The following CDC73 variants were observed in gnomAD, a reference collection of about 807,000 sequenced individuals.
The protein encoded by CDC73 is parafibromin.
In CDC73, 21 loss-of-function variants were observed where a neutral mutation model predicts 83.7. The ratio of observed to expected loss-of-function variants is 0.25; its 90% CI spans 0.18 to 0.36. The LOEUF (loss-of-function observed/expected upper bound fraction) is 0.36. Among genes scored for constraint, CDC73 ranks in the 10% least tolerant of loss-of-function variants. The pLI is 1.00. For missense variants in CDC73, 342 were observed against 653.3 expected (o/e 0.52, Z 5.19); for synonymous variants, 224 against 212.9 (o/e 1.05, Z -0.45).
At chr1:193,219,182 T>C (rs1284869645) in intron 13 of CDC73, among the ~76,000 whole-genome samples, 1 of 152,196 alleles carries the variant, frequency 6.6e-6, no homozygotes, top group Admixed American at 6.5e-5. Context: ...AAAACTGCAA[T>C]GAGATATCAT....
chr1:193,158,042 T>G (rs891993061), intron 10 of CDC73, among the ~76,000 whole-genome samples: 11 of 151,626 alleles, frequency 7.3e-5, no homozygotes, highest in African/African-American at 2.4e-4. Flanking sequence ...TAGATGTATG[T>G]GTAAATGTAG....
At chr1:193,225,031 C>G (rs1206611807) in intron 13 of CDC73, among the ~76,000 whole-genome samples, 1 of 151,774 alleles carries the variant, frequency 6.6e-6, no homozygotes, top group Admixed American at 6.6e-5. Context: ...TCCCTCACCC[C>G]CCTCCCACAG....
At chr1:193,156,272 T>C (rs1214285343) in intron 10 of CDC73, among the ~76,000 whole-genome samples, 1 of 152,190 alleles carries the variant, frequency 6.6e-6, no homozygotes, top group African/African-American at 2.4e-5. Flanking sequence ...CCTGTTCATA[T>C]TTAACTGGAA....
intron 13 of CDC73, among the ~76,000 whole-genome samples, chr1:193,217,123 G>A (rs1677381399): frequency 6.6e-6 from 1 of 152,140 alleles, no homozygotes; most frequent in Non-Finnish European, 1.5e-5. Context: ...CGGTGGGGGT[G>A]TGGCTTGCTT....
At chr1:193,200,354 G>C (rs1346622502) in intron 10 of CDC73, among the ~76,000 whole-genome samples, 1 of 152,094 alleles carries the variant, frequency 6.6e-6, no homozygotes, top group Non-Finnish European at 1.5e-5. Flanking sequence ...TGTTCCACTT[G>C]TTTAAGCAGC....
In CDC73 at chr1:193,138,163, G is replaced by T; in HGVS notation, c.502G>T (p.Glu168Ter). 6.2e-7 allele frequency: 1 copy of T among 1,606,322 alleles called. No homozygotes were observed. The highest frequency in any genetic ancestry group is 1.1e-5 in the South Asian group (1 of 90,890). ...EGHKEGIVQT[E>*]QIRSLSEAMS... ...TCACAAAGAAGGGATTGTACAGACT[G>T]AACAGATTAGGTAAGAATTCTTTTT... The change falls in exon 6 of 17, where the codon GAA (glutamate) becomes TAA (stop). Residue 168 changes from glutamate to a stop codon, truncating the protein, a stop_gained. Coordinates refer to ENST00000367435, the MANE Select transcript of CDC73 (RefSeq NM_024529.5). LOFTEE classifies it high-confidence loss of function.
intron 10 of CDC73, chr1:193,181,151 A>C (rs1370560116): frequency 1.2e-6 from 2 of 1,613,820 alleles, no homozygotes; most frequent in Non-Finnish European, 1.7e-6. Context: ...TTAATAATAT[A>C]TTTGAAATGG....
At chr1:193,219,100 A>G (rs975157916) in intron 13 of CDC73, among the ~76,000 whole-genome samples, 16 of 152,258 alleles carry the variant, frequency 1.1e-4, no homozygotes, top group Non-Finnish European at 8.8e-5. Flanking sequence ...TTCTCAAAAG[A>G]AGATATACAC....
chr1:193,213,701 T>G (rs999073029), intron 13 of CDC73, among the ~76,000 whole-genome samples: 1 of 152,210 alleles, frequency 6.6e-6, no homozygotes, highest in Non-Finnish European at 1.5e-5. Context: ...GATTATTTAA[T>G]TTTGGTATTT....
intron 10 of CDC73, among the ~76,000 whole-genome samples, chr1:193,174,839 T>C (rs771359486): frequency 1.4e-4 from 21 of 152,226 alleles, no homozygotes; most frequent in Non-Finnish European, 2.8e-4. Context: ...TCCATGTCAC[T>C]ACTACCCTTT....
chr1:193,148,772 G>A (rs1281734355), intron 8 of CDC73, among the ~76,000 whole-genome samples: 1 of 148,032 alleles, frequency 6.8e-6, no homozygotes, highest in Non-Finnish European at 1.5e-5. Context: ...AGCCTCCCAA[G>A]TAGCCAGGAT....
At chr1:193,165,347 A>G (rs529199403) in intron 10 of CDC73, among the ~76,000 whole-genome samples, 22 of 152,382 alleles carry the variant, frequency 1.4e-4, no homozygotes, top group African/African-American at 4.3e-4. Flanking sequence ...AATGCAGTCA[A>G]TATGAGTAAA....
chr1:193,243,509 A>C, intron 15 of CDC73, among the ~76,000 whole-genome samples: 1 of 152,208 alleles, frequency 6.6e-6, no homozygotes, highest in East Asian at 1.9e-4. Context: ...TTATTAAAGA[A>C]GACTGTAGGC....
intron 3 of CDC73, among the ~76,000 whole-genome samples, chr1:193,132,150 G>A (rs1371549683): frequency 6.6e-6 from 1 of 152,130 alleles, no homozygotes; most frequent in Non-Finnish European, 1.5e-5. Context: ...GTGACGTGTA[G>A]TACCTTTAAG....
At chr1:193,129,203 G>T (rs1377039798) in intron 2 of CDC73, among the ~76,000 whole-genome samples, 1 of 151,976 alleles carries the variant, frequency 6.6e-6, no homozygotes, top group South Asian at 2.1e-4. Flanking sequence ...TTACCATCTT[G>T]CTCAGGCTGG....
chr1:193,164,345 G>A (rs1676397231), intron 10 of CDC73, among the ~76,000 whole-genome samples: 1 of 152,198 alleles, frequency 6.6e-6, no homozygotes, highest in Admixed American at 6.5e-5. Flanking sequence ...GTGGCATTAT[G>A]TTAGTAATTT....
At chr1:193,137,016 G>T (rs1261958715) in intron 5 of CDC73, among the ~76,000 whole-genome samples, 1 of 152,158 alleles carries the variant, frequency 6.6e-6, no homozygotes, top group Non-Finnish European at 1.5e-5. Context: ...GGGTTGAAAT[G>T]TGTTACATAA....
chr1:193,188,837 A>G (rs1676870142), intron 10 of CDC73, among the ~76,000 whole-genome samples: 1 of 152,148 alleles, frequency 6.6e-6, no homozygotes, highest in Non-Finnish European at 1.5e-5. Context: ...GTTATGGGAC[A>G]AGTATTTAAA....
At chr1:193,212,500 C>T (rs755107947) in intron 13 of CDC73, 23 bp downstream of exon 13, 1 of 1,330,706 alleles carries the variant, frequency 7.5e-7, no homozygotes, top group Middle Eastern at 1.8e-4. Context: ...TTAAACTATC[C>T]TGTACGTAGG....
Sources: gnomAD v4.1 joint callset for allele counts (sites outside exome capture counted in the v4.1 genomes callset) on GRCh38, gnomAD v4.1.1 for gene constraint, MANE v1.5 for transcripts, NCBI Gene and HGNC (gene_info 2026-07-23, HGNC 2026-07-21) for gene names.